AGMO: variants seen among roughly 807,000 people sequenced by gnomAD.
AGMO encodes the protein alkylglycerol monooxygenase.
Under a neutral mutation model 60.2 loss-of-function variants are expected in AGMO, and 75 were observed. That is an observed-to-expected ratio of 1.25 (90% confidence interval 1.03 to 1.51). AGMO has a LOEUF of 1.51. Among genes scored for constraint, AGMO ranks in the 40% most tolerant of loss-of-function variants. The pLI, the probability that AGMO is intolerant of heterozygous loss-of-function variation, is 0.00. For missense variants in AGMO, 763 were observed against 525.5 expected (o/e 1.45, Z -4.42); for synonymous variants, 261 against 177.1 (o/e 1.47, Z -3.76).
the AGMO span, among the ~76,000 whole-genome samples, chr7:15,120,982 C>T: frequency 3.9e-4 from 59 of 152,014 alleles, no homozygotes; most frequent in African/African-American, 1.3e-3. Flanking sequence ...TTCTGCCCAC[C>T]CCCAGACAGG....
At chr7:15,492,471 G>C (rs1364709619) in intron 3 of AGMO, among the ~76,000 whole-genome samples, 1 of 151,778 alleles carries the variant, frequency 6.6e-6, no homozygotes, top group South Asian at 2.1e-4. Flanking sequence ...GAATCTTCTA[G>C]AATTGCAGGT....
In AGMO at chr7:15,397,068, A is replaced by C. The variant is rs565067637; in HGVS notation, c.610-2889T>G. Among the ~76,000 whole-genome samples the C allele has an allele frequency of 3.1e-4, 47 of 152,256 alleles. No individual in the cohort carries two copies. The South Asian group carries it at 9.7e-3, about 31-fold the overall frequency. ...AAGTCACCACCGGTCCCAGAAGCCC[A>C]GTTGGCTTCACCTGTCACTGGCACC... On this transcript the variant is annotated intron_variant, in intron 5 of 12. Transcript: ENST00000342526.
chr7:15,384,755 T>C lies in AGMO; in HGVS notation c.1074+691A>G, dbSNP rs148091933. Among the ~76,000 whole-genome samples, 41 of 152,078 alleles carry C rather than the reference T, an allele frequency of 2.7e-4. No homozygotes were observed. In the East Asian group the frequency reaches 6.2e-3, roughly 23 times the overall value. The stretch of plus-strand genomic sequence containing the variant: ...ACCTTACTGCTTTCATGTACCTTTT[T>C]GATCTACTGTAAATTTTTAATGAAG... On this transcript the variant is annotated intron_variant, in intron 10 of 12. Transcript: ENST00000342526.
At position 15,365,511 on chromosome 7, in the gene AGMO, T is replaced by C; in HGVS notation, c.1263+3A>G. ...CCTGTGGCTACCTAAACAAATGTCT[T>C]ACCTCAAAAGCAGATGACAATGAAG... On this transcript the variant is annotated splice_donor_region_variant and intron_variant, in intron 12 of 12. Coordinates refer to ENST00000342526, the MANE Select transcript of AGMO (RefSeq NM_001004320.2). The C allele has an allele frequency of 1.9e-6, 3 of 1,604,598 alleles. No homozygotes were observed. Among genetic ancestry groups the C allele is most frequent in the Non-Finnish European group, 2.6e-6 (3 of 1,172,396 alleles).
At position 15,512,316 on chromosome 7, in the gene AGMO, C is replaced by T. The variant is rs191762863; in HGVS notation, c.409+32456G>A. On this transcript the variant is annotated intron_variant, in intron 3 of 12. Transcript: ENST00000342526. The stretch of plus-strand genomic sequence containing the variant: ...TGTTACCCAGGCTGGAGTGCAGAGG[C>T]GCCAACACGGCACCAACCTCCACCT... 1.6e-3 allele frequency among the ~76,000 whole-genome samples: 251 copies of T among 152,238 alleles called. 1 individual carries two copies. Among genetic ancestry groups the T allele is most frequent in the African/African-American group, 5.7e-3 (238 of 41,548 alleles).
chr7:15,124,646 TC>T, the AGMO span, among the ~76,000 whole-genome samples: 9 of 152,240 alleles, frequency 5.9e-5, no homozygotes, highest in African/African-American at 2.2e-4. Flanking sequence ...CCTCTCCAAC[TC>T]TTTAGAATTC....
intron 3 of AGMO, among the ~76,000 whole-genome samples, chr7:15,519,674 A>C (rs1225182101): frequency 6.6e-6 from 1 of 152,194 alleles, no homozygotes; most frequent in Non-Finnish European, 1.5e-5. Context: ...TATGAAAAGG[A>C]AAAACCAGTA....
chr7:15,544,199 T>C (rs868702918), intron 3 of AGMO, among the ~76,000 whole-genome samples: 38 of 150,658 alleles, frequency 2.5e-4, no homozygotes, highest in African/African-American at 7.6e-4. Flanking sequence ...GAATGATACA[T>C]TGGACTTTAG....
intron 3 of AGMO, 103 bp from the exon 4 acceptor site, chr7:15,431,211 A>G (rs1781228847): frequency 9.2e-6 from 7 of 761,306 alleles, no homozygotes; most frequent in Non-Finnish European, 1.6e-5. Context: ...AAAAATCTGG[A>G]ACATCTCTGT....
chr7:15,135,158 G>T, the AGMO span, among the ~76,000 whole-genome samples: 119,283 of 149,392 alleles, frequency 0.8, 48,483 homozygotes, highest in East Asian at 0.98. Flanking sequence ...TTATTTATAT[G>T]AGTTTGTGTG....
intron 3 of AGMO, among the ~76,000 whole-genome samples, chr7:15,510,525 G>C (rs1783642924): frequency 7.8e-6 from 1 of 128,100 alleles, no homozygotes; most frequent in Admixed American, 9.3e-5. Context: ...GTGAGATGCT[G>C]TCATATATAT....
At chr7:15,257,697 T>A (rs572275008) in intron 12 of AGMO, among the ~76,000 whole-genome samples, 13 of 152,322 alleles carry the variant, frequency 8.5e-5, no homozygotes, top group African/African-American at 3.1e-4. Flanking sequence ...TGAAACACTA[T>A]CTGTTTAGGA....
intron 12 of AGMO, among the ~76,000 whole-genome samples, chr7:15,230,261 T>G (rs1012900623): frequency 1.2e-4 from 18 of 152,184 alleles, no homozygotes; most frequent in Middle Eastern, 3.2e-3. Flanking sequence ...AAAGCCCTTT[T>G]TCTTAGCAAG....
intron 5 of AGMO, among the ~76,000 whole-genome samples, chr7:15,401,980 C>A (rs114701941): frequency 3.3e-5 from 5 of 151,992 alleles, no homozygotes; most frequent in African/African-American, 1.2e-4. Context: ...GATGTTCCAG[C>A]GGAGCCCAGA....
the AGMO span, among the ~76,000 whole-genome samples, chr7:15,191,430 T>C: frequency 1.3e-5 from 2 of 152,184 alleles, no homozygotes; most frequent in African/African-American, 2.4e-5. Flanking sequence ...CAGTCTAAGA[T>C]GGGCCTTGGG....
At chr7:15,315,002 T>A (rs1018772354) in intron 12 of AGMO, among the ~76,000 whole-genome samples, 2 of 152,114 alleles carry the variant, frequency 1.3e-5, no homozygotes, top group Non-Finnish European at 2.9e-5. Flanking sequence ...GAGATAATAC[T>A]AACCGCCAGC....
chr7:15,157,872 G>A, the AGMO span, among the ~76,000 whole-genome samples: 2 of 152,080 alleles, frequency 1.3e-5, no homozygotes, highest in Non-Finnish European at 2.9e-5. Flanking sequence ...ACACAGAAAG[G>A]ATGTAGCTTT....
chr7:15,517,019 G>A (rs1043830148), intron 3 of AGMO, among the ~76,000 whole-genome samples: 3 of 151,640 alleles, frequency 2.0e-5, no homozygotes, highest in Admixed American at 6.6e-5. Flanking sequence ...AATGCAGGAA[G>A]GAAGCAGCTT....
At chr7:15,406,226 A>AACACACACACACAC (rs1784680626) in intron 5 of AGMO, among the ~76,000 whole-genome samples, 1 of 118,012 alleles carries the variant, frequency 8.5e-6, no homozygotes, top group African/African-American at 3.6e-5. Context: ...CTTTGTTTGG[A>AACACACACACACAC]ATACACACAC....
Sources: allele counts gnomAD v4.1 joint callset (sites outside exome capture counted in the v4.1 genomes callset), GRCh38; gene constraint gnomAD v4.1.1; transcripts MANE v1.5; gene names NCBI Gene and HGNC (gene_info 2026-07-23, HGNC 2026-07-21).